Variants in NDUFAF6 observed in about 807,000 individuals in gnomAD.
The protein encoded by NDUFAF6 is NADH:ubiquinone oxidoreductase complex assembly factor 6.
In NDUFAF6, 45 loss-of-function variants were observed where a neutral mutation model predicts 40.8. That is an observed-to-expected ratio of 1.10 (90% confidence interval 0.87 to 1.42). NDUFAF6 has a LOEUF of 1.42. Among genes scored for constraint, NDUFAF6 ranks in the 40% most tolerant of loss-of-function variants. NDUFAF6 has a pLI of 0.00. For synonymous variants in NDUFAF6, 185 were observed against 155.9 expected (o/e 1.19, Z -1.39); for missense variants, 435 against 418.5 (o/e 1.04, Z -0.34).
chr8:95,009,216 G>T (rs116496756), intron 2 of NDUFAF6, among the ~76,000 whole-genome samples: 1,797 of 149,754 alleles, frequency 0.012, 45 homozygotes, highest in African/African-American at 0.041. Context: ...AAAAAAAAAC[G>T]AAAAATAAAA....
At chr8:95,009,818 T>G (rs1166154604) in intron 2 of NDUFAF6, among the ~76,000 whole-genome samples, 10 of 152,212 alleles carry the variant, frequency 6.6e-5, no homozygotes, top group Non-Finnish European at 2.9e-5. Flanking sequence ...TATCCCTCTA[T>G]TGAACACACA....
At chr8:94,897,619 A>C (rs186608512) in intron 1 of NDUFAF6, among the ~76,000 whole-genome samples, 1 of 152,014 alleles carries the variant, frequency 6.6e-6, no homozygotes, top group Admixed American at 6.5e-5. Flanking sequence ...ATTCATTTTC[A>C]GGAGGAAAAA....
intron 1 of NDUFAF6, among the ~76,000 whole-genome samples, chr8:94,934,781 C>G (rs1371781885): frequency 6.6e-6 from 1 of 152,082 alleles, no homozygotes; most frequent in Non-Finnish European, 1.5e-5. Flanking sequence ...GCAATTAAAT[C>G]AATAGCAACT....
At chr8:95,003,058 G>A (rs1412872884) in intron 2 of NDUFAF6, among the ~76,000 whole-genome samples, 1 of 152,222 alleles carries the variant, frequency 6.6e-6, no homozygotes, top group Non-Finnish European at 1.5e-5. Flanking sequence ...CCTGAGAAGA[G>A]ATGCTTGTAG....
In NDUFAF6 at chr8:94,930,687, T is replaced by C. The variant is rs761569527; in HGVS notation, c.-935-14796T>C. 8.1e-6 allele frequency: 13 copies of C among 1,614,220 alleles called. 1 individual carries two copies. The South Asian group carries it at 1.4e-4, about 18-fold the overall frequency. ...TGTATGAGCAGCAAGAGCTGCAACA[T>C]AACAATGAATATGCTGCCCCATTTC... On this transcript the variant is annotated intron_variant, in intron 1 of 14. Transcript: ENST00000396113.
At chr8:95,081,370 A>T (rs373136275) in intron 2 of NDUFAF6, among the ~76,000 whole-genome samples, 1 of 151,708 alleles carries the variant, frequency 6.6e-6, no homozygotes, top group Admixed American at 6.6e-5. Context: ...GGGTTTCGCT[A>T]TGTTGGCCAG....
chr8:95,081,544 C>T (rs1216138673), intron 2 of NDUFAF6, among the ~76,000 whole-genome samples: 9 of 152,066 alleles, frequency 5.9e-5, no homozygotes, highest in African/African-American at 1.7e-4. Context: ...TATCCTGATA[C>T]GCTGATTGGT....
At chr8:94,926,233 GATGTACAGTA>G (rs1289202828) in intron 1 of NDUFAF6, 1 of 152,510 alleles carries the variant, frequency 6.6e-6, no homozygotes, top group African/African-American at 2.4e-5. Context: ...TGCATAGATT[GATGTACAGTA>G]ACCTAACCAA....
At chr8:94,923,668 A>T (rs1819652452) in intron 1 of NDUFAF6, among the ~76,000 whole-genome samples, 1 of 147,984 alleles carries the variant, frequency 6.8e-6, no homozygotes, top group Admixed American at 6.8e-5. Flanking sequence ...TACAATAGAT[A>T]CTCTGAATTT....
intron 3 of NDUFAF6, among the ~76,000 whole-genome samples, chr8:95,038,843 A>G (rs1829812281): frequency 6.6e-6 from 1 of 150,748 alleles, no homozygotes; most frequent in South Asian, 2.1e-4. Flanking sequence ...ATGCCCAACT[A>G]ATTTTTGTAT....
At chr8:94,935,128 T>TATAGATAGATATAGATAGATAG (rs1554630989) in intron 1 of NDUFAF6, among the ~76,000 whole-genome samples, 2 of 144,640 alleles carry the variant, frequency 1.4e-5, no homozygotes, top group African/African-American at 5.2e-5. Context: ...GGTAGATAGA[T>TATAGATAGATATAGATAGATAG]ATAGATAGAT....
intron 4 of NDUFAF6, among the ~76,000 whole-genome samples, chr8:95,114,552 G>A (rs965948302): frequency 6.6e-6 from 1 of 152,194 alleles, no homozygotes; most frequent in Non-Finnish European, 1.5e-5. Flanking sequence ...TATTCCATTA[G>A]TTAGTTGTTG....
At chr8:94,947,545 G>C (rs186690290) in intron 2 of NDUFAF6, among the ~76,000 whole-genome samples, 169 of 152,256 alleles carry the variant, frequency 1.1e-3, no homozygotes, top group African/African-American at 3.8e-3. Flanking sequence ...ATGAAGACTA[G>C]ATTCAAGTAA....
intron 8 of NDUFAF6, 102 bp downstream of exon 8, chr8:95,052,332 C>G: frequency 1.5e-6 from 2 of 1,310,754 alleles, no homozygotes; most frequent in Non-Finnish European, 2.2e-6. Flanking sequence ...TAGTTCGGAG[C>G]CTTTGTTTTT....
chr8:95,040,385 A>G (rs893240386), intron 3 of NDUFAF6, among the ~76,000 whole-genome samples: 6 of 152,186 alleles, frequency 3.9e-5, no homozygotes, highest in African/African-American at 1.4e-4. Context: ...TTCCCACTGT[A>G]TAATTCTGCT....
chr8:95,094,748 C>CT (rs1429578078), intron 2 of NDUFAF6, among the ~76,000 whole-genome samples: 7 of 74,252 alleles, frequency 9.4e-5, no homozygotes, highest in Admixed American at 1.6e-4. Flanking sequence ...TCTTCTTCTT[C>CT]TTCTTTTTTT....
chr8:95,104,454 C>T (rs1343156893), downstream of NDUFAF6, among the ~76,000 whole-genome samples: 1 of 152,140 alleles, frequency 6.6e-6, no homozygotes, highest in African/African-American at 2.4e-5. Context: ...TTTGTAACTC[C>T]CTATGAAAGT....
chr8:94,987,452 A>G (rs1825972949), intron 2 of NDUFAF6, among the ~76,000 whole-genome samples: 1 of 152,204 alleles, frequency 6.6e-6, no homozygotes, highest in African/African-American at 2.4e-5. Context: ...CTTCCCCCAA[A>G]GAGGTCCATT....
downstream of NDUFAF6, among the ~76,000 whole-genome samples, chr8:95,062,322 G>A (rs771110856): frequency 3.3e-5 from 5 of 152,100 alleles, no homozygotes; most frequent in Non-Finnish European, 5.9e-5. Context: ...TGGTTGTGAG[G>A]AATAAGTGAA....
Sources: gnomAD v4.1 joint callset for allele counts (sites outside exome capture counted in the v4.1 genomes callset) on GRCh38, gnomAD v4.1.1 for gene constraint, MANE v1.5 for transcripts, NCBI Gene and HGNC (gene_info 2026-07-23, HGNC 2026-07-21) for gene names.